The following SYT9 variants were observed in gnomAD, a reference collection of about 807,000 sequenced individuals.
SYT9 encodes synaptotagmin 9, also known as synaptotagmin-9.
A neutral mutation model predicts 48.4 loss-of-function variants in SYT9; 22 were observed. The observed-to-expected ratio is 0.45, with a 90% CI of 0.32 to 0.65. The LOEUF is 0.65. Among genes scored for constraint, SYT9 ranks in the 30% least tolerant of loss-of-function variants. The pLI is 0.03. For missense variants in SYT9, 577 were observed against 622.0 expected (o/e 0.93, Z 0.77); for synonymous variants, 265 against 245.0 (o/e 1.08, Z -0.76).
intron 3 of SYT9, among the ~76,000 whole-genome samples, chr11:7,405,176 T>C (rs908888251): frequency 6.6e-6 from 1 of 151,814 alleles, no homozygotes; most frequent in Admixed American, 6.6e-5. Flanking sequence ...TTAGTAAGAA[T>C]CTAAGCATTT....
chr11:7,316,080 A>G (rs1181858070), intron 3 of SYT9, among the ~76,000 whole-genome samples: 1 of 150,428 alleles, frequency 6.6e-6, no homozygotes, highest in South Asian at 2.1e-4. Flanking sequence ...TTTTTTTTGT[A>G]TAGAGACTGA....
upstream of SYT9, among the ~76,000 whole-genome samples, chr11:7,250,550 C>G (rs548703485): frequency 8.0e-5 from 12 of 150,096 alleles, no homozygotes; most frequent in African/African-American, 2.2e-4. Context: ...ACAGCATCTG[C>G]TCAACCTCCC....
intron 6 of SYT9, among the ~76,000 whole-genome samples, chr11:7,452,126 C>T (rs1277912950): frequency 1.3e-5 from 2 of 151,318 alleles, no homozygotes; most frequent in African/African-American, 4.9e-5. Context: ...AAAACACACA[C>T]ACACACACAC....
chr11:7,380,949 A>G (rs1175781234), intron 3 of SYT9, among the ~76,000 whole-genome samples: 1 of 152,116 alleles, frequency 6.6e-6, no homozygotes, highest in Admixed American at 6.5e-5. Context: ...ATCTTTATGG[A>G]TCTTGATTCT....
At chr11:7,361,285 A>C (rs969610117) in intron 3 of SYT9, among the ~76,000 whole-genome samples, 1 of 152,064 alleles carries the variant, frequency 6.6e-6, no homozygotes, top group Non-Finnish European at 1.5e-5. Context: ...AATTCTCATA[A>C]TAATCACTGT....
chr11:7,411,023 T>C (rs61888611), intron 3 of SYT9, among the ~76,000 whole-genome samples: 3,378 of 152,198 alleles, frequency 0.022, 66 homozygotes, highest in Middle Eastern at 0.041. Flanking sequence ...CCTGGCTAAT[T>C]TTTGTATTTT....
In SYT9 at chr11:7,397,631, T is replaced by A. The variant is rs377212531; in HGVS notation, c.1045-18411T>A. 7.0e-4 allele frequency among the ~76,000 whole-genome samples: 107 copies of A among 152,298 alleles called. 1 individual carries two copies. The highest frequency in any genetic ancestry group is 3.4e-3 in the Middle Eastern group (1 of 294). On this transcript the variant is annotated intron_variant, in intron 3 of 6. Coordinates refer to ENST00000318881, the MANE Select transcript of SYT9 (RefSeq NM_175733.4). Reference sequence around the variant, plus strand: ...GGAATGAATTGATATCTTAGCTATGTTGAGTATCCCAATCCATGAGCATGG... The same window carrying A: ...GGAATGAATTGATATCTTAGCTATGATGAGTATCCCAATCCATGAGCATGG...
At chr11:7,393,749 TA>T (rs2134064445) in intron 3 of SYT9, among the ~76,000 whole-genome samples, 1 of 152,248 alleles carries the variant, frequency 6.6e-6, no homozygotes, top group East Asian at 1.9e-4. Context: ...GGTTTTTTTT[TA>T]TTACTGATTC....
At chr11:7,271,015 CTT>C (rs370480541) in intron 1 of SYT9, among the ~76,000 whole-genome samples, 35 of 152,032 alleles carry the variant, frequency 2.3e-4, no homozygotes, top group Middle Eastern at 3.4e-3. Context: ...AGAGGGAAGA[CTT>C]ATATAAATAA....
In SYT9 at chr11:7,360,384, G is replaced by T. The variant is rs546652880; in HGVS notation, c.1044+46443G>T. On this transcript the variant is annotated intron_variant, in intron 3 of 6. Transcript: ENST00000318881. ...TTTAAAGTAGTTTTTTCCAATTCTGGGAAGAAAGTCATTGGTAGCTTGATG... is the reference window on the plus strand; with the variant it reads ...TTTAAAGTAGTTTTTTCCAATTCTGTGAAGAAAGTCATTGGTAGCTTGATG... Among the ~76,000 whole-genome samples the T allele has an allele frequency of 2.7e-3, 410 of 152,140 alleles. 2 individuals carry two copies. Among genetic ancestry groups the T allele is most frequent in the African/African-American group, 4.6e-3 (192 of 41,524 alleles).
chr11:7,304,138 G>T (rs1848992740), intron 2 of SYT9, among the ~76,000 whole-genome samples: 1 of 152,220 alleles, frequency 6.6e-6, no homozygotes, highest in South Asian at 2.1e-4. Flanking sequence ...TTCTTCAAAA[G>T]AGGAGTAGAT....
At chr11:7,359,792 T>A (rs77658766) in intron 3 of SYT9, among the ~76,000 whole-genome samples, 1 of 145,552 alleles carries the variant, frequency 6.9e-6, no homozygotes, top group Non-Finnish European at 1.5e-5. Context: ...TTTCTCCCAT[T>A]TTGTAGGTTG....
intron 3 of SYT9, among the ~76,000 whole-genome samples, chr11:7,343,025 G>A (rs776332123): frequency 1.2e-4 from 19 of 152,202 alleles, no homozygotes; most frequent in South Asian, 2.1e-4. Context: ...CTGGGATGTA[G>A]GGCACCAAGT....
chr11:7,453,822 C>T (rs145469063), intron 6 of SYT9, among the ~76,000 whole-genome samples: 1,990 of 152,252 alleles, frequency 0.013, 22 homozygotes, highest in Non-Finnish European at 0.018. Flanking sequence ...GTGGCCAGGA[C>T]CATGAGCAAC....
rs539158174 is a variant in SYT9, at chr11:7,446,215, A to C, written c.1468-20577A>C. Reference sequence around the variant, plus strand: ...CTGAAATCATGGAGCTGGAATATCAAGTCTCTATGTTCAAGGATAATCATG... The same window carrying C: ...CTGAAATCATGGAGCTGGAATATCACGTCTCTATGTTCAAGGATAATCATG... On this transcript the variant is annotated intron_variant, in intron 6 of 6. Coordinates refer to ENST00000318881, the MANE Select transcript of SYT9 (RefSeq NM_175733.4). Among the ~76,000 whole-genome samples the C allele has an allele frequency of 4.6e-5, 7 of 152,362 alleles. No individual in the cohort carries two copies. The South Asian group carries it at 1.4e-3, about 32-fold the overall frequency.
At chr11:7,440,243 A>G (rs1163579774) in intron 6 of SYT9, 3 of 152,332 alleles carry the variant, frequency 2.0e-5, no homozygotes, top group South Asian at 2.1e-4. Context: ...ATGAGACCTT[A>G]AAAGAGTTGG....
intron 1 of SYT9, among the ~76,000 whole-genome samples, chr11:7,288,169 C>G (rs1848631194): frequency 1.3e-5 from 2 of 151,930 alleles, no homozygotes; most frequent in Non-Finnish European, 2.9e-5. Flanking sequence ...GGGAGGGACC[C>G]CAGACTCTTG....
intron 3 of SYT9, among the ~76,000 whole-genome samples, chr11:7,404,519 A>C (rs771973765): frequency 2.0e-5 from 3 of 152,154 alleles, no homozygotes; most frequent in Non-Finnish European, 4.4e-5. Context: ...TCTTTAACTT[A>C]TACTGGCTAA....
At chr11:7,257,405 A>G (rs1847994252) in intron 1 of SYT9, among the ~76,000 whole-genome samples, 2 of 152,274 alleles carry the variant, frequency 1.3e-5, no homozygotes, top group East Asian at 1.9e-4. Context: ...ATCAAGAAAA[A>G]TCTTGTCTAA....
Sources: gnomAD v4.1 joint callset for allele counts (sites outside exome capture counted in the v4.1 genomes callset) on GRCh38, gnomAD v4.1.1 for gene constraint, MANE v1.5 for transcripts, NCBI Gene and HGNC (gene_info 2026-07-23, HGNC 2026-07-21) for gene names.